TANC2: variants seen among roughly 807,000 people sequenced by gnomAD.
TANC2 encodes the protein protein TANC2.
TANC2 carries 26 observed loss-of-function variants against 210.5 expected under a neutral mutation model. The observed-to-expected ratio is 0.12, with a 90% CI of 0.09 to 0.17. The LOEUF (loss-of-function observed/expected upper bound fraction) is 0.17. Among genes scored for constraint, TANC2 ranks in the 10% least tolerant of loss-of-function variants. The pLI is 1.00. For missense variants in TANC2, 2,129 were observed against 2,608.9 expected (o/e 0.82, Z 4.01); for synonymous variants, 931 against 967.1 (o/e 0.96, Z 0.69).
chr17:63,352,992 G>A (rs771867981), intron 13 of TANC2, among the ~76,000 whole-genome samples: 7 of 152,220 alleles, frequency 4.6e-5, no homozygotes, highest in African/African-American at 1.4e-4. Context: ...AAACAAAATA[G>A]GGTGGAGGGA....
intron 13 of TANC2, among the ~76,000 whole-genome samples, chr17:63,354,155 C>T (rs2046710389): frequency 6.6e-6 from 1 of 152,030 alleles, no homozygotes. Context: ...GAATCCAGTG[C>T]ATAGGAGTAG....
intron 25 of TANC2, chr17:63,414,295 C>G (rs1004749906): frequency 1.3e-5 from 2 of 152,222 alleles, no homozygotes; most frequent in African/African-American, 4.8e-5. Flanking sequence ...GCAGTCATCA[C>G]TGACACTTCC....
chr17:63,080,257 T>C (rs760393693), intron 3 of TANC2, among the ~76,000 whole-genome samples: 1 of 152,200 alleles, frequency 6.6e-6, no homozygotes, highest in African/African-American at 2.4e-5. Flanking sequence ...AGTTGGTTTT[T>C]TTGTTTGTTT....
intron 9 of TANC2, among the ~76,000 whole-genome samples, chr17:63,279,748 T>G (rs566747523): frequency 6.6e-6 from 1 of 152,222 alleles, no homozygotes; most frequent in South Asian, 2.1e-4. Context: ...AACATAGTGT[T>G]TTCAAAAATA....
intron 3 of TANC2, among the ~76,000 whole-genome samples, chr17:63,082,327 G>C (rs746337157): frequency 4.6e-5 from 7 of 152,120 alleles, no homozygotes; most frequent in African/African-American, 1.7e-4. Flanking sequence ...TATTAGGAAG[G>C]TATCTATTGG....
intron 9 of TANC2, among the ~76,000 whole-genome samples, chr17:63,307,270 G>A (rs2044947632): frequency 6.6e-6 from 1 of 152,132 alleles, no homozygotes; most frequent in South Asian, 2.1e-4. Context: ...TCCAGCCTCA[G>A]TCCGGGTAGC....
chr17:63,424,611 T>C (rs1033967506), exon 28 of TANC2: 2 of 152,182 alleles, frequency 1.3e-5, no homozygotes, highest in Non-Finnish European at 2.9e-5. Flanking sequence ...GGTGACAAAC[T>C]TCAGTTTAAT....
intron 9 of TANC2, among the ~76,000 whole-genome samples, chr17:63,278,884 G>A (rs1326365967): frequency 6.6e-6 from 1 of 152,026 alleles, no homozygotes; most frequent in African/African-American, 2.4e-5. Context: ...ACTTACATGA[G>A]GCATCTAAAG....
chr17:63,160,796 A>G (rs906959848), intron 5 of TANC2, among the ~76,000 whole-genome samples: 2 of 152,142 alleles, frequency 1.3e-5, no homozygotes, highest in South Asian at 2.1e-4. Context: ...CACCAATACT[A>G]CATATTTTTG....
At chr17:63,426,006 C>CA (rs2049134099) in exon 28 of TANC2, 1 of 152,224 alleles carries the variant, frequency 6.6e-6, no homozygotes, top group Non-Finnish European at 1.5e-5. Context: ...ATCTTTGCCA[C>CA]AAAATGGAAT....
chr17:62,971,180 A>C (rs1030184982), intron 1 of TANC2, among the ~76,000 whole-genome samples: 2 of 152,144 alleles, frequency 1.3e-5, no homozygotes, highest in African/African-American at 4.8e-5. Context: ...GAAAAAAAAA[A>C]TGAGTTAAGG....
In TANC2 at chr17:63,180,366, A is replaced by T. The variant is rs565735030; in HGVS notation, c.434-13625A>T. On this transcript the variant is annotated intron_variant, in intron 5 of 27. Transcript: ENST00000689528. ...TTCCCTGAGGACAGGCTTCAGTAAG[A>T]TCCAAAATATAATTGGAAAGATTCA... Among the ~76,000 whole-genome samples, 7 of 152,336 alleles carry T rather than the reference A, an allele frequency of 4.6e-5. No individual in the cohort carries two copies. In the East Asian group the frequency reaches 1.4e-3, roughly 29 times the overall value.
intron 2 of TANC2, among the ~76,000 whole-genome samples, chr17:63,070,055 T>C (rs2036340090): frequency 6.6e-6 from 1 of 152,214 alleles, no homozygotes. Context: ...TATAAATGGA[T>C]TTTCATATTC....
chr17:63,009,362 G>A (rs2033765097), intron 1 of TANC2, among the ~76,000 whole-genome samples, 175 bp from the exon 2 acceptor site: 1 of 152,048 alleles, frequency 6.6e-6, no homozygotes, highest in Non-Finnish European at 1.5e-5. Flanking sequence ...TGTTAAATAA[G>A]CACATTATGA....
At chr17:63,000,326 TATTA>T (rs2033316569) in intron 1 of TANC2, among the ~76,000 whole-genome samples, 1 of 152,368 alleles carries the variant, frequency 6.6e-6, no homozygotes, top group African/African-American at 2.4e-5. Flanking sequence ...TTGATTACAT[TATTA>T]ATTACATAAA....
At chr17:63,244,364 A>T (rs1030460795) in intron 8 of TANC2, among the ~76,000 whole-genome samples, 13 of 152,102 alleles carry the variant, frequency 8.5e-5, no homozygotes, top group African/African-American at 3.1e-4. Context: ...GTTTCATCCC[A>T]TTACCATTCT....
intron 5 of TANC2, among the ~76,000 whole-genome samples, chr17:63,162,559 A>G (rs560375271): frequency 7.9e-5 from 12 of 152,312 alleles, no homozygotes; most frequent in African/African-American, 2.4e-4. Flanking sequence ...GAAATGCTGA[A>G]ATAACACACT....
At chr17:63,001,919 T>A (rs2033407103) in intron 1 of TANC2, among the ~76,000 whole-genome samples, 1 of 152,210 alleles carries the variant, frequency 6.6e-6, no homozygotes, top group Non-Finnish European at 1.5e-5. Context: ...ATTGATAAAT[T>A]CAGCAAATAT....
chr17:62,987,358 G>A (rs2032621418), intron 1 of TANC2, among the ~76,000 whole-genome samples: 1 of 152,204 alleles, frequency 6.6e-6, no homozygotes, highest in South Asian at 2.1e-4. Flanking sequence ...GCACTTCAGA[G>A]GTGGCCCTGG....
Sources: gnomAD v4.1 joint callset for allele counts (sites outside exome capture counted in the v4.1 genomes callset) on GRCh38, gnomAD v4.1.1 for gene constraint, MANE v1.5 for transcripts, NCBI Gene and HGNC (gene_info 2026-07-23, HGNC 2026-07-21) for gene names.